The following PPM1K variants were observed in gnomAD, a reference collection of about 807,000 sequenced individuals.
PPM1K encodes the protein protein phosphatase, Mg2+/Mn2+ dependent 1K.
A neutral mutation model predicts 32.6 loss-of-function variants in PPM1K; 19 were observed. That is an observed-to-expected ratio of 0.58 (90% CI 0.41 to 0.86). PPM1K has a LOEUF of 0.86. PPM1K is among the 40% of genes least tolerant of loss of function. PPM1K has a pLI of 0.00. For synonymous variants in PPM1K, 159 were observed against 165.3 expected (o/e 0.96, Z 0.29); for missense variants, 362 against 461.2 (o/e 0.78, Z 1.97).
At chr4:88,277,097 C>T (rs1402104495) in intron 3 of PPM1K, 46 bp downstream of exon 3, 1 of 1,421,392 alleles carries the variant, frequency 7.0e-7, no homozygotes, top group Non-Finnish European at 9.9e-7. Flanking sequence ...TCCTCCCCCA[C>T]CCCATGTACT....
rs756838369 is a variant in PPM1K at position 88,262,715 on chromosome 4, G to A, written c.999C>T (p.Tyr333=). The A allele has an allele frequency of 7.5e-6, 12 of 1,609,892 alleles. No homozygotes were observed. The highest frequency in any genetic ancestry group is 4.5e-5 in the East Asian group (2 of 44,612). The change falls in exon 7 of 7, where the codon TAC becomes TAT. Residue 333 remains tyrosine (Y), a synonymous_variant. Coordinates refer to ENST00000608933, the MANE Select transcript of PPM1K (RefSeq NM_152542.5). ...CTGCAGTACTGTTATCCTCAGTACC[G>A]TACTGTATTGCCTGCAAGGTTTGGC... is the stretch of plus-strand genomic sequence containing the variant. ...AHAVTEQAIQ[Y]GTEDNSTAVV... is the part of the protein sequence containing the mutation.
Position 88,261,357 on chromosome 4 carries a change from T to C in PPM1K, c.*1238A>G, listed in dbSNP as rs1247125501. 1.3e-5 allele frequency: 2 copies of C among 152,226 alleles called. No homozygotes were observed. The highest frequency in any genetic ancestry group is 4.8e-5 in the African/African-American group (2 of 41,456). The allele number at this position is 152,226 out of a possible 1,614,324, so 9.4% of individuals were successfully genotyped here. On this transcript the variant is annotated 3_prime_UTR_variant, in exon 7 of 7. Transcript: ENST00000608933. ...TATAGCAGTATCAGTCAATGTGGTA[T>C]TATTTTTATTAACAAATTATTCAAT...
At chr4:88,277,983 T>C in intron 2 of PPM1K, 161 bp downstream of exon 2, 1 of 640,444 alleles carries the variant, frequency 1.6e-6, no homozygotes. Context: ...GTGATAACCA[T>C]AAGTAATAAA....
intron 6 of PPM1K, among the ~76,000 whole-genome samples, chr4:88,263,795 C>G (rs1469255838): frequency 6.6e-6 from 1 of 152,066 alleles, no homozygotes; most frequent in Non-Finnish European, 1.5e-5. Flanking sequence ...CTCATCCTCC[C>G]TCATAGCTGG....
intron 6 of PPM1K, among the ~76,000 whole-genome samples, chr4:88,264,789 C>A (rs1195610523): frequency 6.6e-6 from 1 of 152,178 alleles, no homozygotes; most frequent in Non-Finnish European, 1.5e-5. Context: ...CTGTTACTAT[C>A]ATTTCAAGGT....
At chr4:88,275,127 A>AAGCAT (rs1388533079) in intron 3 of PPM1K, 1 of 567,426 alleles carries the variant, frequency 1.8e-6, no homozygotes, top group Non-Finnish European at 2.2e-6. Context: ...CATTACTTCA[A>AAGCAT]AGCATATGAT....
chr4:88,263,410 T>A (rs1300139334), intron 6 of PPM1K, among the ~76,000 whole-genome samples: 1 of 152,190 alleles, frequency 6.6e-6, no homozygotes, highest in Non-Finnish European at 1.5e-5. Flanking sequence ...TATTAAAAGC[T>A]CTAGAACATT....
chr4:88,280,187 C>T (rs1023609422), intron 1 of PPM1K, among the ~76,000 whole-genome samples: 1 of 152,144 alleles, frequency 6.6e-6, no homozygotes, highest in Non-Finnish European at 1.5e-5. Flanking sequence ...GTGATCCTCC[C>T]ACCTCAGCCT....
chr4:88,277,603 A>T lies in PPM1K; in HGVS notation c.441-360T>A, dbSNP rs1731834477. On this transcript the variant is annotated intron_variant, in intron 2 of 6. Coordinates refer to ENST00000608933, the MANE Select transcript of PPM1K (RefSeq NM_152542.5). ...AGTCAAAAATAGTCACATGGTCGTA[A>T]CTCCATCACATGTTCTCCCTCTTTC... is the stretch of plus-strand genomic sequence containing the variant. The T allele has an allele frequency of 1.4e-5, 3 of 207,208 alleles. No individual in the cohort carries two copies. In the Admixed American group the frequency reaches 1.6e-4, roughly 11 times the overall value. 12.8% of individuals were successfully genotyped at this position (207,208 alleles called of 1,614,324 possible).
At chr4:88,276,148 T>C (rs1259149021) in intron 3 of PPM1K, 12 of 985,342 alleles carry the variant, frequency 1.2e-5, no homozygotes, top group Non-Finnish European at 1.4e-5. Context: ...ATCCCAGCCC[T>C]AACTCTGAAC....
At chr4:88,279,489 A>C (rs1731924481) in intron 1 of PPM1K, 1 of 152,170 alleles carries the variant, frequency 6.6e-6, no homozygotes, top group Non-Finnish European at 1.5e-5. Context: ...AGCAGCCCTG[A>C]TTTCTGAACG....
Position 88,261,778 on chromosome 4 carries a change from C to G in PPM1K, c.*817G>C, listed in dbSNP as rs1236784276. The G allele has an allele frequency of 6.7e-6, 1 of 149,378 alleles. No individual in the cohort carries two copies. Among genetic ancestry groups the G allele is most frequent in the Admixed American group, 6.7e-5 (1 of 14,882 alleles). 9.3% of individuals were successfully genotyped at this position (149,378 alleles called of 1,614,324 possible). A position where few individuals can be genotyped will look rare whatever the true frequency, so the allele number is the denominator to read the frequency against. On this transcript the variant is annotated 3_prime_UTR_variant, in exon 7 of 7. Coordinates refer to ENST00000608933, the MANE Select transcript of PPM1K (RefSeq NM_152542.5). ...ATGGCATGATCTCAGCTCACTGCAA[C>G]CCCCATCTCCTGGGTTCAAGTGATT...
At chr4:88,277,291 G>C in intron 2 of PPM1K, 48 bp from the exon 3 acceptor site, 1 of 1,275,290 alleles carries the variant, frequency 7.8e-7, no homozygotes, top group Non-Finnish European at 1.1e-6. Context: ...TTTACAATAG[G>C]TTTTTCTCCT....
intron 1 of PPM1K, chr4:88,279,039 C>T (rs1731907501): frequency 6.3e-6 from 1 of 159,672 alleles, no homozygotes; most frequent in Non-Finnish European, 1.4e-5. Context: ...TTCTAACCAA[C>T]ACCCTGGTGA....
chr4:88,277,749 C>T (rs1273203927), intron 2 of PPM1K: 1 of 215,210 alleles, frequency 4.6e-6, no homozygotes, highest in Non-Finnish European at 9.2e-6. Context: ...TCATCCAAAG[C>T]TATTTTCAAC....
intron 1 of PPM1K, among the ~76,000 whole-genome samples, chr4:88,279,995 T>C (rs749268836): frequency 6.6e-6 from 1 of 152,226 alleles, no homozygotes; most frequent in Non-Finnish European, 1.5e-5. Context: ...TACTTTCCAA[T>C]GAATTTTTGG....
At chr4:88,263,793 C>T (rs931905562) in intron 6 of PPM1K, among the ~76,000 whole-genome samples, 1 of 152,024 alleles carries the variant, frequency 6.6e-6, no homozygotes, top group Admixed American at 6.6e-5. Context: ...ACCTCATCCT[C>T]CCTCATAGCT....
intron 3 of PPM1K, among the ~76,000 whole-genome samples, chr4:88,270,449 A>C (rs1205090035): frequency 6.6e-6 from 1 of 152,244 alleles, no homozygotes; most frequent in East Asian, 1.9e-4. Context: ...TAAATGTTTT[A>C]GCATAAGTAT....
At chr4:88,270,721 G>A (rs1731527731) in intron 3 of PPM1K, among the ~76,000 whole-genome samples, 1 of 152,170 alleles carries the variant, frequency 6.6e-6, no homozygotes, top group Non-Finnish European at 1.5e-5. Context: ...ATAAGTAGAA[G>A]TTTAGTTATT....
Sources: gnomAD v4.1 joint callset for allele counts (sites outside exome capture counted in the v4.1 genomes callset) on GRCh38, gnomAD v4.1.1 for gene constraint, MANE v1.5 for transcripts, NCBI Gene and HGNC (gene_info 2026-07-23, HGNC 2026-07-21) for gene names.